The following CBL variants were observed in gnomAD, a reference collection of about 807,000 sequenced individuals.
CBL encodes the protein E3 ubiquitin-protein ligase CBL.
Under a neutral mutation model 96.9 loss-of-function variants are expected in CBL, and 45 were observed. The observed-to-expected ratio is 0.46, with a 90% CI of 0.37 to 0.60. The LOEUF (loss-of-function observed/expected upper bound fraction) is 0.60, where lower values mean the gene tolerates loss of function less well. Among genes scored for constraint, CBL ranks in the 20% least tolerant of loss-of-function variants. The pLI, the probability that CBL is intolerant of heterozygous loss-of-function variation, is 0.00. For missense variants in CBL, 1,024 were observed against 1,143.5 expected (o/e 0.90, Z 1.51); for synonymous variants, 420 against 426.8 (o/e 0.98, Z 0.20).
chr11:119,218,792 A>G (rs1475314523), intron 1 of CBL, among the ~76,000 whole-genome samples: 1 of 152,212 alleles, frequency 6.6e-6, no homozygotes, highest in Non-Finnish European at 1.5e-5. Flanking sequence ...TGATGTCGGC[A>G]TTTTAAATAT....
intron 1 of CBL, among the ~76,000 whole-genome samples, chr11:119,214,249 T>TG (rs1400850096): frequency 3.3e-5 from 5 of 151,872 alleles, no homozygotes; most frequent in African/African-American, 1.2e-4. Context: ...GGACTTTTTT[T>TG]TTTTTTTTAA....
chr11:119,261,901 A>G (rs1220650504), intron 2 of CBL, among the ~76,000 whole-genome samples: 3 of 152,172 alleles, frequency 2.0e-5, no homozygotes, highest in African/African-American at 7.2e-5. Flanking sequence ...CTAATGTAAA[A>G]TATTTGTGCT....
intron 9 of CBL, among the ~76,000 whole-genome samples, chr11:119,284,331 G>A (rs1949964036): frequency 1.3e-5 from 2 of 151,618 alleles, no homozygotes; most frequent in South Asian, 4.2e-4. Flanking sequence ...GTCGAGACAG[G>A]CTCTTGCTCT....
intron 6 of CBL, among the ~76,000 whole-genome samples, chr11:119,277,239 GCGCACACACACA>G (rs1337719299): frequency 7.2e-6 from 1 of 138,258 alleles, no homozygotes; most frequent in Non-Finnish European, 1.5e-5. Flanking sequence ...AGAATCTGTC[GCGCACACACACA>G]CACACACACA....
chr11:119,293,597 G>T (rs1032575677), intron 12 of CBL, among the ~76,000 whole-genome samples: 6 of 152,044 alleles, frequency 3.9e-5, no homozygotes, highest in Non-Finnish European at 8.8e-5. Flanking sequence ...AGGGAAAATT[G>T]CTGGCATTTC....
chr11:119,276,228 G>A, intron 6 of CBL, 94 bp downstream of exon 6: 2 of 1,265,480 alleles, frequency 1.6e-6, no homozygotes, highest in Non-Finnish European at 2.3e-6. Context: ...TTCTTAAACT[G>A]CAGACTAAGA....
chr11:119,246,828 A>G (rs993704535), intron 2 of CBL, among the ~76,000 whole-genome samples: 5 of 152,236 alleles, frequency 3.3e-5, no homozygotes, highest in African/African-American at 9.6e-5. Flanking sequence ...GATTCATGCT[A>G]TCTTGTAATT....
intron 1 of CBL, among the ~76,000 whole-genome samples, chr11:119,218,909 C>T (rs1417206455): frequency 6.6e-6 from 1 of 152,190 alleles, no homozygotes; most frequent in African/African-American, 2.4e-5. Flanking sequence ...AAGAATGAAT[C>T]TTCTACTCAT....
intron 2 of CBL, among the ~76,000 whole-genome samples, chr11:119,256,838 G>A (rs1203961215): frequency 6.6e-6 from 1 of 151,992 alleles, no homozygotes; most frequent in Non-Finnish European, 1.5e-5. Context: ...CCATTCCTGA[G>A]TTACTTCACT....
intron 2 of CBL, among the ~76,000 whole-genome samples, chr11:119,269,788 G>A (rs1949829233): frequency 6.6e-6 from 1 of 152,122 alleles, no homozygotes; most frequent in Non-Finnish European, 1.5e-5. Flanking sequence ...GAGGTCAGGA[G>A]ATCAAGACCA....
chr11:119,208,815 C>G lies in CBL; in HGVS notation c.195+2203C>G, dbSNP rs182383237. Among the ~76,000 whole-genome samples, 412 of 152,218 alleles carry G rather than the reference C, an allele frequency of 2.7e-3. 1 individual carries two copies. Among genetic ancestry groups the G allele is most frequent in the Non-Finnish European group, 4.8e-3 (324 of 68,010 alleles). ...ATAAAATCCTCCCTTAAGTCTTACT[C>G]CTTCATCTATTTAAAGTATGTGTAT... On this transcript the variant is annotated intron_variant, in intron 1 of 15. Transcript: ENST00000264033.
At chr11:119,292,193 G>C (rs374080173) in intron 12 of CBL, among the ~76,000 whole-genome samples, 1 of 151,968 alleles carries the variant, frequency 6.6e-6, no homozygotes, top group Admixed American at 6.6e-5. Flanking sequence ...CCAAACCTCC[G>C]TAAGTTTGGT....
chr11:119,267,308 G>T (rs1430617709), intron 2 of CBL, among the ~76,000 whole-genome samples: 1 of 152,164 alleles, frequency 6.6e-6, no homozygotes, highest in Non-Finnish European at 1.5e-5. Flanking sequence ...TAGGTACCTG[G>T]TGCCATTACA....
At chr11:119,232,756 C>T in intron 2 of CBL, 61 bp downstream of exon 2, 1 of 1,502,780 alleles carries the variant, frequency 6.7e-7, no homozygotes, top group Non-Finnish European at 9.2e-7. Flanking sequence ...ATGGGTAACA[C>T]ATAGAAGTAG....
intron 1 of CBL, among the ~76,000 whole-genome samples, chr11:119,209,238 G>A (rs1167901297): frequency 1.3e-5 from 2 of 152,104 alleles, no homozygotes; most frequent in Non-Finnish European, 2.9e-5. Flanking sequence ...TCTTAAATGT[G>A]TCACCACACC....
chr11:119,272,108 CTT>C (rs1349406654), intron 3 of CBL, among the ~76,000 whole-genome samples: 2 of 152,082 alleles, frequency 1.3e-5, no homozygotes, highest in African/African-American at 2.4e-5. Flanking sequence ...ATACTCTTCC[CTT>C]TCTCTCCCCA....
At chr11:119,210,367 A>G (rs561346024) in intron 1 of CBL, among the ~76,000 whole-genome samples, 1 of 152,272 alleles carries the variant, frequency 6.6e-6, no homozygotes, top group African/African-American at 2.4e-5. Context: ...ACAGAGTGAC[A>G]CCCTGTTTCA....
rs1950163226 is a variant in CBL, at chr11:119,308,025, T to C, written c.*8244T>C. 1.6e-5 allele frequency: 3 copies of C among 186,650 alleles called. No homozygotes were observed. 11.6% of individuals were successfully genotyped at this position (186,650 alleles called of 1,614,324 possible). A position where few individuals can be genotyped will look rare whatever the true frequency, so the allele number is the denominator to read the frequency against. ...CAGTGTATTAATGTTTAGAAGTCTG[T>C]TTTACTAATGTTATTTATTAATTTT... is the stretch of plus-strand genomic sequence containing the variant. On this transcript the variant is annotated 3_prime_UTR_variant, in exon 16 of 16. Coordinates refer to ENST00000264033, the MANE Select transcript of CBL (RefSeq NM_005188.4).
chr11:119,242,009 C>T (rs1210150692), intron 2 of CBL, among the ~76,000 whole-genome samples: 2 of 152,148 alleles, frequency 1.3e-5, no homozygotes, highest in African/African-American at 4.8e-5. Context: ...TTGTATTTTA[C>T]AGTGACAGTA....
Sources: allele counts gnomAD v4.1 joint callset (sites outside exome capture counted in the v4.1 genomes callset), GRCh38; gene constraint gnomAD v4.1.1; transcripts MANE v1.5; gene names NCBI Gene and HGNC (gene_info 2026-07-23, HGNC 2026-07-21).